The following DSCAM variants were observed in gnomAD, a reference collection of about 807,000 sequenced individuals.
The protein encoded by DSCAM is cell adhesion molecule DSCAM.
Under a neutral mutation model 217.7 loss-of-function variants are expected in DSCAM, and 47 were observed. The ratio of observed to expected loss-of-function variants is 0.22; its 90% confidence interval spans 0.17 to 0.28. DSCAM has a LOEUF of 0.28. Among genes scored for constraint, DSCAM ranks in the 10% least tolerant of loss-of-function variants. The probability of loss-of-function intolerance (pLI) is 1.00; values close to 1 mark genes in which losing one functional copy is unlikely to be tolerated. For missense variants in DSCAM, 2,080 were observed against 2,618.3 expected (o/e 0.79, Z 4.49); for synonymous variants, 1,056 against 1,015.3 (o/e 1.04, Z -0.76).
At chr21:40,707,902 C>T (rs1161250283) in intron 2 of DSCAM, among the ~76,000 whole-genome samples, 1 of 152,104 alleles carries the variant, frequency 6.6e-6, no homozygotes, top group Non-Finnish European at 1.5e-5. Flanking sequence ...AGGAACATAG[C>T]CCATTCAGGA....
intron 1 of DSCAM, among the ~76,000 whole-genome samples, chr21:40,742,549 A>G (rs972922702): frequency 3.3e-5 from 5 of 152,250 alleles, no homozygotes; most frequent in Non-Finnish European, 7.3e-5. Context: ...AAGAGAATAA[A>G]TGTATGTTGT....
rs181872837 is a variant in DSCAM, at chr21:40,692,776, G to A, written c.508+34C>T. 3.3e-5 allele frequency: 52 copies of A among 1,580,578 alleles called. No homozygotes were observed. The Admixed American group carries it at 4.0e-4, about 12-fold the overall frequency. ...GAAATAACCTTTTCAGAAGGTGAGC[G>A]TGGTGTCCTGCACCCTGGAGACGCA... is the stretch of plus-strand genomic sequence containing the variant. On this transcript the variant is annotated intron_variant, in intron 3 of 32. Transcript: ENST00000400454.
At chr21:40,409,531 G>A (rs2075305333) in intron 3 of DSCAM, among the ~76,000 whole-genome samples, 1 of 152,148 alleles carries the variant, frequency 6.6e-6, no homozygotes, top group Non-Finnish European at 1.5e-5. Context: ...AGTGAGAGGT[G>A]GACAGATCCT....
At chr21:40,541,624 C>T (rs2076543345) in intron 3 of DSCAM, among the ~76,000 whole-genome samples, 2 of 151,824 alleles carry the variant, frequency 1.3e-5, no homozygotes, top group Admixed American at 1.3e-4. Flanking sequence ...TGTGTGTGGT[C>T]TATACACACA....
intron 4 of DSCAM, among the ~76,000 whole-genome samples, chr21:40,357,967 T>C (rs963016988): frequency 1.3e-5 from 2 of 152,110 alleles, no homozygotes; most frequent in Admixed American, 6.6e-5. Flanking sequence ...TATTAGAAAG[T>C]ACTATGAAAA....
chr21:40,214,176 T>C (rs2041155379), intron 11 of DSCAM, among the ~76,000 whole-genome samples: 1 of 152,226 alleles, frequency 6.6e-6, no homozygotes, highest in South Asian at 2.1e-4. Context: ...ACTTAGGCTA[T>C]AAATGCTGCT....
At chr21:40,798,690 T>TA (rs1254500122) in intron 1 of DSCAM, among the ~76,000 whole-genome samples, 5 of 151,960 alleles carry the variant, frequency 3.3e-5, no homozygotes, top group Non-Finnish European at 5.9e-5. Flanking sequence ...CATGAAGCAG[T>TA]AAAAAAAGAA....
At chr21:40,554,273 A>G (rs2076653850) in intron 3 of DSCAM, among the ~76,000 whole-genome samples, 1 of 152,094 alleles carries the variant, frequency 6.6e-6, no homozygotes, top group African/African-American at 2.4e-5. Context: ...ACTGCAAACA[A>G]TAAAATTAGA....
At chr21:40,559,138 A>G (rs2146178680) in intron 3 of DSCAM, among the ~76,000 whole-genome samples, 1 of 151,642 alleles carries the variant, frequency 6.6e-6, no homozygotes, top group African/African-American at 2.4e-5. Flanking sequence ...AAAACCATGA[A>G]TGAGCACATT....
Position 40,256,866 on chromosome 21 carries a change from C to T in DSCAM, c.2356+19231G>A, listed in dbSNP as rs369108827. Among the ~76,000 whole-genome samples the T allele has an allele frequency of 4.1e-4, 63 of 152,276 alleles. No homozygotes were observed. In the South Asian group the frequency reaches 8.9e-3, roughly 22 times the overall value. ...CGGCATCCATGCACGTCTGCTTACA[C>T]CATACTTACTCTTCAAATAAAGACA... On this transcript the variant is annotated intron_variant, in intron 11 of 32. Transcript: ENST00000400454.
intron 8 of DSCAM, among the ~76,000 whole-genome samples, chr21:40,323,557 T>C (rs2074283669): frequency 6.6e-6 from 1 of 152,178 alleles, no homozygotes; most frequent in Admixed American, 6.5e-5. Context: ...GTTTAAAAGG[T>C]GAATTTTAAA....
intron 16 of DSCAM, among the ~76,000 whole-genome samples, chr21:40,146,341 C>G (rs1239867375): frequency 6.6e-6 from 1 of 152,036 alleles, no homozygotes; most frequent in Non-Finnish European, 1.5e-5. Flanking sequence ...GGGTGCACAC[C>G]TGCCCAGCGG....
chr21:40,412,098 C>T (rs1479079083), intron 3 of DSCAM, among the ~76,000 whole-genome samples: 1 of 152,214 alleles, frequency 6.6e-6, no homozygotes, highest in South Asian at 2.1e-4. Flanking sequence ...ATGTGACTTG[C>T]TCTTCCTTGC....
At chr21:40,161,374 G>A (rs1314050920) in intron 16 of DSCAM, among the ~76,000 whole-genome samples, 1 of 150,908 alleles carries the variant, frequency 6.6e-6, no homozygotes, top group Non-Finnish European at 1.5e-5. Flanking sequence ...CCAAAAAGAT[G>A]CAAATTTAGT....
At chr21:40,112,728 G>C (rs1284374564) in intron 20 of DSCAM, among the ~76,000 whole-genome samples, 2 of 152,082 alleles carry the variant, frequency 1.3e-5, no homozygotes, top group African/African-American at 4.8e-5. Context: ...AAATGATAAA[G>C]GGGATATCAC....
intron 3 of DSCAM, among the ~76,000 whole-genome samples, chr21:40,523,551 A>G (rs2076376693): frequency 6.6e-6 from 1 of 152,124 alleles, no homozygotes; most frequent in African/African-American, 2.4e-5. Context: ...GCCCAACTCC[A>G]GGGGAAAACC....
Position 40,708,813 on chromosome 21 carries a change from T to C in DSCAM, c.44-42A>G, listed in dbSNP as rs183383407. 25 of 1,356,086 alleles carry C rather than the reference T, an allele frequency of 1.8e-5. No individual in the cohort carries two copies. In the East Asian group the frequency reaches 6.6e-4, roughly 36 times the overall value. The allele number at this position is 1,356,086 out of a possible 1,614,324, so 84.0% of individuals were successfully genotyped here. A position where few individuals can be genotyped will look rare whatever the true frequency, so the allele number is the denominator to read the frequency against. ...CAGGGATCCATAGGTGAGTAAAACATGCCTTTGACATTTGCAGTTCAATGT... is the reference window on the plus strand; with the variant it reads ...CAGGGATCCATAGGTGAGTAAAACACGCCTTTGACATTTGCAGTTCAATGT... On this transcript the variant is annotated intron_variant, in intron 1 of 32. Transcript: ENST00000400454.
At chr21:40,348,380 T>A (rs61321353) in intron 5 of DSCAM, among the ~76,000 whole-genome samples, 1 of 112,570 alleles carries the variant, frequency 8.9e-6, no homozygotes, top group Non-Finnish European at 1.9e-5. Context: ...GAGTTCCTAT[T>A]AGCCACATTA....
intron 11 of DSCAM, among the ~76,000 whole-genome samples, chr21:40,270,450 G>A (rs1192701252): frequency 2.0e-5 from 3 of 152,196 alleles, no homozygotes; most frequent in Non-Finnish European, 4.4e-5. Flanking sequence ...GGACTGCTGG[G>A]GGTGCTGGTG....
Sources: gnomAD v4.1 joint callset for allele counts (sites outside exome capture counted in the v4.1 genomes callset) on GRCh38, gnomAD v4.1.1 for gene constraint, MANE v1.5 for transcripts, NCBI Gene and HGNC (gene_info 2026-07-23, HGNC 2026-07-21) for gene names.